The following RFX7 variants were observed in gnomAD, a reference collection of about 807,000 sequenced individuals.
RFX7 encodes DNA-binding protein RFX7.
Under a neutral mutation model 111.8 loss-of-function variants are expected in RFX7, and 26 were observed. The observed-to-expected ratio is 0.23, with a 90% CI of 0.17 to 0.32. The LOEUF is 0.32. Ranked by LOEUF, RFX7 falls within the 10% of genes least tolerant of loss-of-function variation. The probability of loss-of-function intolerance (pLI) is 1.00; values close to 1 mark genes in which losing one functional copy is unlikely to be tolerated. For synonymous variants in RFX7, 624 were observed against 624.4 expected (o/e 1.00, Z 0.01); for missense variants, 1,573 against 1,772.9 (o/e 0.89, Z 2.02).
rs1458493135 is a variant in RFX7, at chr15:56,098,388, C to T, written c.812-12G>A. The T allele has an allele frequency of 2.5e-6, 4 of 1,569,130 alleles. No homozygotes were observed. Among genetic ancestry groups the T allele is most frequent in the Non-Finnish European group, 3.5e-6 (4 of 1,157,272 alleles). ...AATTCCTTTCATTCCTGAAAATAAA[C>T]AGAAAGGAAAGCTGCAATAAATACT... On this transcript the variant is annotated splice_polypyrimidine_tract_variant and intron_variant, in intron 8 of 9. Transcript: ENST00000559447.
At chr15:56,232,829 C>T (rs1192679760) in intron 2 of RFX7, among the ~76,000 whole-genome samples, 1 of 152,144 alleles carries the variant, frequency 6.6e-6, no homozygotes, top group African/African-American at 2.4e-5. Context: ...AACCCAGTTC[C>T]CAACAGGTTA....
chr15:56,094,500 T>G lies in RFX7; in HGVS notation c.3228A>C (p.Ser1076=). ...NNGYSGVGNS[S]VSGHGILPSY... Reference sequence around the variant, plus strand: ...TTGGGAGAATACCATGGCCAGAAACTGATGAATTACCAACCCCACTATACC... The same window carrying G: ...TTGGGAGAATACCATGGCCAGAAACGGATGAATTACCAACCCCACTATACC... Residue 1076 remains serine, a synonymous_variant, in exon 10 of 10, where the codon TCA becomes TCC. Coordinates refer to ENST00000559447, the MANE Select transcript of RFX7 (RefSeq NM_022841.7). 1.2e-6 allele frequency: 2 copies of G among 1,613,952 alleles called. No homozygotes were observed. Among genetic ancestry groups the G allele is most frequent in the South Asian group, 2.2e-5 (2 of 91,086 alleles).
chr15:56,161,815 A>AC (rs2042723321), intron 3 of RFX7, among the ~76,000 whole-genome samples: 1 of 152,084 alleles, frequency 6.6e-6, no homozygotes, highest in African/African-American at 2.4e-5. Flanking sequence ...TATAGTAGGA[A>AC]CTATGGTTCA....
In RFX7 at chr15:56,095,340, A is replaced by C; in HGVS notation, c.2388T>G (p.Cys796Trp). The C allele has an allele frequency of 6.2e-7, 1 of 1,613,918 alleles. No individual in the cohort carries two copies. Among genetic ancestry groups the C allele is most frequent in the Non-Finnish European group, 8.5e-7 (1 of 1,179,860 alleles). The change falls in exon 10 of 10, where the codon TGT becomes TGG. Residue 796 changes from cysteine (C) to tryptophan (W), a missense_variant. By Grantham distance (215) the Cys-to-Trp change is radical (BLOSUM62 -2). This residue lies in a region of RFX7 where 625 missense variants were observed against 632.2 expected (regional missense o/e 0.99). Coordinates refer to ENST00000559447, the MANE Select transcript of RFX7 (RefSeq NM_022841.7). Reference protein sequence around the residue: ...TKDSEFISASCEQQQDISVMT... With the variant: ...TKDSEFISASWEQQQDISVMT... Reference sequence around the variant, plus strand: ...TAACACTGATATCTTGCTGTTGTTCACAACTGGCAGATATAAACTCAGAAT... The same window carrying C: ...TAACACTGATATCTTGCTGTTGTTCCCAACTGGCAGATATAAACTCAGAAT...
At chr15:56,217,459 C>A (rs1166913593) in intron 2 of RFX7, among the ~76,000 whole-genome samples, 2 of 151,164 alleles carry the variant, frequency 1.3e-5, no homozygotes, top group Non-Finnish European at 2.9e-5. Context: ...TTCTGAAGAG[C>A]CCAGGACAGT....
intron 3 of RFX7, among the ~76,000 whole-genome samples, chr15:56,147,936 A>G (rs2042505604): frequency 6.6e-6 from 1 of 152,216 alleles, no homozygotes; most frequent in African/African-American, 2.4e-5. Context: ...ATTCGAAGTG[A>G]AACTTAAATG....
At chr15:56,149,472 G>C (rs1158645292) in intron 3 of RFX7, among the ~76,000 whole-genome samples, 2 of 152,192 alleles carry the variant, frequency 1.3e-5, no homozygotes, top group African/African-American at 2.4e-5. Context: ...TGCAGAAGGC[G>C]GGTGATTTCT....
intron 2 of RFX7, among the ~76,000 whole-genome samples, chr15:56,215,270 TTC>T (rs769970203): frequency 3.9e-4 from 59 of 152,332 alleles, no homozygotes; most frequent in African/African-American, 1.4e-3. Flanking sequence ...CATTTTATAT[TTC>T]TTTTTTCAAA....
intron 3 of RFX7, among the ~76,000 whole-genome samples, chr15:56,150,976 T>A (rs1303143283): frequency 6.7e-6 from 1 of 148,746 alleles, no homozygotes; most frequent in Non-Finnish European, 1.5e-5. Context: ...CAGCTGAAGA[T>A]CAACTTAATG....
At chr15:56,219,096 A>C (rs1438501643) in intron 2 of RFX7, among the ~76,000 whole-genome samples, 1 of 152,224 alleles carries the variant, frequency 6.6e-6, no homozygotes, top group East Asian at 1.9e-4. Flanking sequence ...AATTGACAAG[A>C]CTACAAAATT....
chr15:56,097,746 C>CAA (rs67718449), intron 9 of RFX7, among the ~76,000 whole-genome samples: 8,052 of 46,942 alleles, frequency 0.17, 1,918 homozygotes, highest in Middle Eastern at 0.33. Context: ...GACTCTGTCT[C>CAA]AAAAAAAAAA....
intron 4 of RFX7, among the ~76,000 whole-genome samples, chr15:56,144,159 C>T (rs7496025): frequency 0.3 from 46,346 of 152,008 alleles, 8,021 homozygotes; most frequent in East Asian, 0.4. Context: ...GTCTATGAAA[C>T]AAAACCCAAA....
intron 2 of RFX7, among the ~76,000 whole-genome samples, chr15:56,211,973 T>C (rs55968075): frequency 0.033 from 4,959 of 152,126 alleles, 292 homozygotes; most frequent in African/African-American, 0.11. Context: ...CAAAACTAAA[T>C]AGATTCCTAC....
chr15:56,124,136 A>G (rs1395848234), intron 5 of RFX7, among the ~76,000 whole-genome samples: 1 of 152,086 alleles, frequency 6.6e-6, no homozygotes, highest in Non-Finnish European at 1.5e-5. Context: ...TTTTTAAGAA[A>G]CATCTGCCGG....
At chr15:56,191,127 G>T (rs992512418) in intron 2 of RFX7, among the ~76,000 whole-genome samples, 4 of 152,220 alleles carry the variant, frequency 2.6e-5, no homozygotes, top group Admixed American at 2.6e-4. Context: ...CTGGACAGAG[G>T]TAGGGATGTA....
intron 5 of RFX7, among the ~76,000 whole-genome samples, chr15:56,122,866 G>C (rs975570716): frequency 3.3e-5 from 5 of 152,080 alleles, no homozygotes; most frequent in Admixed American, 6.5e-5. Flanking sequence ...TAAGGCCCAA[G>C]GGCTCTCCAG....
chr15:56,090,215 C>G lies in RFX7; in HGVS notation c.*3130G>C, dbSNP rs966141289. 6.6e-6 allele frequency: 1 copy of G among 152,130 alleles called. No homozygotes were observed. Among genetic ancestry groups the G allele is most frequent in the African/African-American group, 2.4e-5 (1 of 41,422 alleles). The allele number at this position is 152,130 out of a possible 1,614,324, so 9.4% of individuals were successfully genotyped here. ...ATTCAGAGCTCCAGAAATATACTTA[C>G]CTAGGTACTCCATAGGCTAACATTT... On this transcript the variant is annotated 3_prime_UTR_variant, in exon 10 of 10. Coordinates refer to ENST00000559447, the MANE Select transcript of RFX7 (RefSeq NM_022841.7).
chr15:56,114,725 A>G (rs1025732264), intron 5 of RFX7, among the ~76,000 whole-genome samples: 5 of 152,126 alleles, frequency 3.3e-5, no homozygotes, highest in African/African-American at 1.2e-4. Context: ...ACTATCATAT[A>G]TGACCCTCCT....
At chr15:56,198,429 T>C (rs2043165712) in intron 2 of RFX7, among the ~76,000 whole-genome samples, 1 of 152,176 alleles carries the variant, frequency 6.6e-6, no homozygotes, top group Non-Finnish European at 1.5e-5. Flanking sequence ...AGCCTCCCAA[T>C]GTAAGTACGC....
Sources: gnomAD v4.1 joint callset for allele counts (sites outside exome capture counted in the v4.1 genomes callset) on GRCh38, gnomAD v4.1.1 for gene constraint, gnomAD v4.1.1 regional missense constraint, MANE v1.5 for transcripts, NCBI Gene and HGNC (gene_info 2026-07-23, HGNC 2026-07-21) for gene names.